Variants in COPA observed in about 807,000 individuals in gnomAD.
The protein encoded by COPA is coatomer subunit alpha.
A neutral mutation model predicts 158.7 loss-of-function variants in COPA; 10 were observed. That is an observed-to-expected ratio of 0.06 (90% CI 0.04 to 0.11). The LOEUF is 0.11. Among genes scored for constraint, COPA ranks in the 10% least tolerant of loss-of-function variants. The pLI, the probability that COPA is intolerant of heterozygous loss-of-function variation, is 1.00. For missense variants in COPA, 1,065 were observed against 1,536.7 expected (o/e 0.69, Z 5.13); for synonymous variants, 462 against 542.8 (o/e 0.85, Z 2.07).
At chr1:160,301,773 T>A (rs913131014) in intron 17 of COPA, among the ~76,000 whole-genome samples, 4 of 151,862 alleles carry the variant, frequency 2.6e-5, no homozygotes, top group African/African-American at 9.7e-5. Flanking sequence ...CTGCCAAAAA[T>A]AGTTAAATTA....
At chr1:160,310,072 C>T in intron 12 of COPA, 120 bp downstream of exon 12, 1 of 554,278 alleles carries the variant, frequency 1.8e-6, no homozygotes, top group Non-Finnish European at 3.1e-6. Context: ...ATCACTGTGT[C>T]AGCTCTCACA....
chr1:160,334,815 A>G (rs901824220), intron 4 of COPA, among the ~76,000 whole-genome samples: 1 of 152,142 alleles, frequency 6.6e-6, no homozygotes, highest in African/African-American at 2.4e-5. Context: ...ACCAGACCCA[A>G]AAATCCTAGG....
Position 160,290,637 on chromosome 1 carries a change from T to C in COPA, c.3470A>G (p.Gln1157Arg), listed in dbSNP as rs779542068. The C allele has an allele frequency of 1.2e-6, 2 of 1,614,178 alleles. No individual in the cohort carries two copies. Among genetic ancestry groups the C allele is most frequent in the Admixed American group, 3.3e-5 (2 of 60,022 alleles). ...GGGGTTGTGCATGTCATAATTGAGC[T>C]GGTAGGCATCTGTGGGATTCTTCTC... ...ACEKNPTDAYQLNYDMHNPFD... is the reference protein window; with the variant it reads ...ACEKNPTDAYRLNYDMHNPFD... Residue 1157 changes from glutamine (Q) to arginine (R), a missense_variant, in exon 32 of 33, where the codon CAG (glutamine) becomes CGG (arginine). This residue lies in a region of COPA where 980 missense variants were observed against 1,357.8 expected (regional missense o/e 0.72). Coordinates refer to ENST00000241704, the MANE Select transcript of COPA (RefSeq NM_004371.4).
intron 8 of COPA, among the ~76,000 whole-genome samples, chr1:160,316,139 C>T (rs1002040565): frequency 2.6e-5 from 4 of 152,110 alleles, no homozygotes; most frequent in Non-Finnish European, 5.9e-5. Context: ...GTGGGTGGAT[C>T]ACAAGGTCAG....
chr1:160,333,504 A>T, intron 5 of COPA, 99 bp downstream of exon 5: 1 of 809,718 alleles, frequency 1.2e-6, no homozygotes, highest in Non-Finnish European at 2.0e-6. Flanking sequence ...CAGCCGACAT[A>T]GTCCATTTGA....
intron 9 of COPA, among the ~76,000 whole-genome samples, chr1:160,313,536 T>C (rs1255573033): frequency 6.6e-6 from 1 of 152,090 alleles, no homozygotes; most frequent in African/African-American, 2.4e-5. Context: ...TGCCTCAGCC[T>C]CCTGAGTAGC....
At chr1:160,303,421 T>C (rs993266069) in intron 17 of COPA, among the ~76,000 whole-genome samples, 3 of 152,190 alleles carry the variant, frequency 2.0e-5, no homozygotes, top group African/African-American at 4.8e-5. Flanking sequence ...AAGACGAGAC[T>C]GCAGAACAAT....
intron 13 of COPA, among the ~76,000 whole-genome samples, chr1:160,307,601 T>C (rs1214487127): frequency 6.9e-6 from 1 of 145,596 alleles, no homozygotes; most frequent in Admixed American, 6.8e-5. Context: ...GCCTGTGTCA[T>C]AGGACCCCCT....
rs1424115979 is a variant in COPA at position 160,313,089 on chromosome 1, T to C, written c.921A>G (p.Ala307=). The C allele has an allele frequency of 2.5e-6, 4 of 1,613,728 alleles. No individual in the cohort carries two copies. Among genetic ancestry groups the C allele is most frequent in the Middle Eastern group, 1.6e-4 (1 of 6,084 alleles). ...LAAHPNLNLF[A]AGHDGGMIVF... is the part of the protein sequence containing the mutation. The stretch of plus-strand genomic sequence containing the variant: ...AAGAGAGAAAATGGCCCTTACCTGC[T>C]GCAAAGAGGTTAAGGTTAGGGTGAG... Residue 307 remains alanine, a synonymous_variant, in exon 10 of 33, where the codon GCA becomes GCG. Coordinates refer to ENST00000241704, the MANE Select transcript of COPA (RefSeq NM_004371.4).
intron 6 of COPA, among the ~76,000 whole-genome samples, chr1:160,326,875 A>G (rs535102399): frequency 2.0e-5 from 3 of 152,256 alleles, no homozygotes; most frequent in Non-Finnish European, 4.4e-5. Flanking sequence ...ATGGAAAAAG[A>G]CACCAGAATA....
intron 4 of COPA, among the ~76,000 whole-genome samples, chr1:160,334,852 C>T (rs139307468): frequency 2.6e-5 from 4 of 152,158 alleles, no homozygotes; most frequent in African/African-American, 7.2e-5. Context: ...GTTAATACTT[C>T]GAAACGTTTG....
chr1:160,342,904 T>G (rs1182367834), intron 1 of COPA, among the ~76,000 whole-genome samples: 2 of 152,146 alleles, frequency 1.3e-5, no homozygotes, highest in Non-Finnish European at 2.9e-5. Context: ...AGGAATCCCC[T>G]GCAGTGTGGG....
chr1:160,303,381 C>T (rs1350801024), intron 17 of COPA, among the ~76,000 whole-genome samples: 2 of 152,064 alleles, frequency 1.3e-5, no homozygotes, highest in Non-Finnish European at 2.9e-5. Flanking sequence ...ATAGACAGAC[C>T]ACATTTGAAA....
intron 1 of COPA, among the ~76,000 whole-genome samples, chr1:160,342,883 G>C (rs1648154801): frequency 6.6e-6 from 1 of 152,164 alleles, no homozygotes; most frequent in Non-Finnish European, 1.5e-5. Context: ...AAAGAATAGG[G>C]AGGGGGTCTA....
intron 11 of COPA, chr1:160,310,513 G>C: frequency 3.6e-6 from 1 of 277,332 alleles, no homozygotes; most frequent in Non-Finnish European, 6.8e-6. Context: ...AAGGTAGGTA[G>C]GGTTAACACT....
chr1:160,291,478 G>A lies in COPA; in HGVS notation c.3277C>T (p.His1093Tyr), dbSNP rs1022843599. 5 of 1,613,446 alleles carry A rather than the reference G, an allele frequency of 3.1e-6. No individual in the cohort carries two copies. The highest frequency in any genetic ancestry group is 3.4e-6 in the Non-Finnish European group (4 of 1,179,578). ...RICEMAAYFT[H>Y]SNLQPVHMIL... ...ATGTGCACAGGCTGCAGGTTTGAGT[G>A]GGTGAAATAGGCTGCCATCTGGTGG... Residue 1093 changes from histidine (H) to tyrosine (Y), a missense_variant, in exon 31 of 33, where the codon CAC becomes TAC. By Grantham distance (83) the His-to-Tyr change is moderately conservative (BLOSUM62 2). Around this residue, in one of 2 missense-constraint regions of COPA, gnomAD observed 980 missense variants for 1,357.8 expected, o/e 0.72. Coordinates refer to ENST00000241704, the MANE Select transcript of COPA (RefSeq NM_004371.4).
At chr1:160,321,031 C>A (rs1426586874) in intron 8 of COPA, among the ~76,000 whole-genome samples, 1 of 152,004 alleles carries the variant, frequency 6.6e-6, no homozygotes, top group Non-Finnish European at 1.5e-5. Flanking sequence ...TTCAGGGATG[C>A]AAGAATGGTT....
chr1:160,295,481 C>T (rs960901947), intron 23 of COPA, among the ~76,000 whole-genome samples: 2 of 152,048 alleles, frequency 1.3e-5, no homozygotes, highest in Admixed American at 6.6e-5. Flanking sequence ...AGAAAATACA[C>T]CAAAATATTA....
intron 8 of COPA, among the ~76,000 whole-genome samples, chr1:160,320,792 T>TAAAAAAAAA (rs143294298): frequency 6.7e-5 from 6 of 89,200 alleles, no homozygotes; most frequent in Non-Finnish European, 8.9e-5. Flanking sequence ...TTCAAACTCT[T>TAAAAAAAAA]AAAAAAAAAA....
Sources: allele counts gnomAD v4.1 joint callset (sites outside exome capture counted in the v4.1 genomes callset), GRCh38; gene constraint gnomAD v4.1.1; regional missense constraint gnomAD v4.1.1; transcripts MANE v1.5; gene names NCBI Gene and HGNC (gene_info 2026-07-23, HGNC 2026-07-21).